NPFFR2: variants seen among roughly 807,000 people sequenced by gnomAD.
NPFFR2 encodes neuropeptide FF receptor 2.
A neutral mutation model predicts 13.1 loss-of-function variants in NPFFR2; 15 were observed. The ratio of observed to expected loss-of-function variants is 1.15; its 90% CI spans 0.77 to 1.76. NPFFR2 has a LOEUF of 1.76. NPFFR2 is among the 40% of genes most tolerant of loss of function. NPFFR2 has a pLI of 0.00. For missense variants in NPFFR2, 572 were observed against 503.5 expected (o/e 1.14, Z -1.30); for synonymous variants, 190 against 175.7 (o/e 1.08, Z -0.65).
At chr4:72,034,339 G>C (rs1718991905) in intron 1 of NPFFR2, among the ~76,000 whole-genome samples, 1 of 152,178 alleles carries the variant, frequency 6.6e-6, no homozygotes, top group African/African-American at 2.4e-5. Flanking sequence ...TTACAATCAT[G>C]GCAGAAGGGG....
chr4:72,076,006 C>CACAG (rs746237728), intron 1 of NPFFR2, among the ~76,000 whole-genome samples: 169 of 122,820 alleles, frequency 1.4e-3, no homozygotes, highest in East Asian at 0.011. Context: ...CACACACACA[C>CACAG]AGAGAGAGAG....
chr4:72,093,558 T>A (rs1388501991), intron 1 of NPFFR2, among the ~76,000 whole-genome samples: 2 of 152,138 alleles, frequency 1.3e-5, no homozygotes, highest in Non-Finnish European at 2.9e-5. Flanking sequence ...TTTGATGGAT[T>A]GGGTTAATTC....
chr4:72,083,710 A>T (rs1258319856), intron 1 of NPFFR2, among the ~76,000 whole-genome samples: 1 of 152,098 alleles, frequency 6.6e-6, no homozygotes, highest in East Asian at 1.9e-4. Flanking sequence ...TCCACAGTTT[A>T]AAATACCATC....
At position 72,128,620 on chromosome 4, in the gene NPFFR2, C is replaced by A. The variant is rs142617960; in HGVS notation, c.29C>A (p.Ser10Ter). MNEKWDTNS[S>*]ENWHPIWNVN... ...AATGAGAAATGGGACACAAACTCTT[C>A]AGAAAACTGGCATCCCATCTGGAAT... is the stretch of plus-strand genomic sequence containing the variant. Residue 10 changes from serine (S) to a stop codon, truncating the protein, a stop_gained, in exon 2 of 4, where the codon TCA becomes TAA. Transcript: ENST00000308744. LOFTEE classifies it high-confidence loss of function. 13 of 1,610,834 alleles carry A rather than the reference C, an allele frequency of 8.1e-6. No homozygotes were observed. The highest frequency in any genetic ancestry group is 1.1e-5 in the Non-Finnish European group (13 of 1,177,636).
chr4:72,130,909 G>T (rs147785556), intron 2 of NPFFR2, among the ~76,000 whole-genome samples: 2 of 152,304 alleles, frequency 1.3e-5, no homozygotes, highest in East Asian at 3.9e-4. Flanking sequence ...ACGAATTGAA[G>T]TGTGGTGAAT....
chr4:72,129,219 T>C (rs945583694), intron 2 of NPFFR2, among the ~76,000 whole-genome samples: 2 of 152,104 alleles, frequency 1.3e-5, no homozygotes, highest in Non-Finnish European at 1.5e-5. Flanking sequence ...ATAAGATTTA[T>C]TATGTGTAGG....
intron 1 of NPFFR2, among the ~76,000 whole-genome samples, chr4:72,073,972 A>G (rs1269222570): frequency 6.6e-6 from 1 of 151,976 alleles, no homozygotes. Flanking sequence ...TGAGGAAGAA[A>G]AAAGCTATAA....
intron 1 of NPFFR2, among the ~76,000 whole-genome samples, chr4:72,051,790 C>CAA (rs1719591960): frequency 6.6e-6 from 1 of 151,634 alleles, no homozygotes; most frequent in Non-Finnish European, 1.5e-5. Context: ...CAAATAGATG[C>CAA]AATAAAAAAT....
At chr4:72,057,619 A>G (rs1268916672) in intron 1 of NPFFR2, among the ~76,000 whole-genome samples, 2 of 151,942 alleles carry the variant, frequency 1.3e-5, no homozygotes, top group African/African-American at 4.8e-5. Context: ...ATCCCTAATT[A>G]TGTTTGCAAA....
chr4:72,070,582 G>GTGTGTGTGTGTGT (rs1553889570), intron 1 of NPFFR2, among the ~76,000 whole-genome samples: 1 of 14,638 alleles, frequency 6.8e-5, no homozygotes, highest in Non-Finnish European at 2.1e-4. Flanking sequence ...GTGGGGCTCT[G>GTGTGTGTGTGTGT]GTGGCCTTTG....
intron 1 of NPFFR2, among the ~76,000 whole-genome samples, chr4:72,077,329 A>G (rs941283840): frequency 1.3e-5 from 2 of 152,180 alleles, no homozygotes; most frequent in African/African-American, 2.4e-5. Flanking sequence ...ACTAAAAGCT[A>G]CCACTATCAT....
At chr4:72,096,949 T>G (rs1721091002) in intron 1 of NPFFR2, among the ~76,000 whole-genome samples, 1 of 152,058 alleles carries the variant, frequency 6.6e-6, no homozygotes, top group African/African-American at 2.4e-5. Flanking sequence ...AAAATATTGT[T>G]AAAAGTTTAA....
chr4:72,143,364 T>C (rs1722689101), intron 3 of NPFFR2, among the ~76,000 whole-genome samples: 2 of 152,158 alleles, frequency 1.3e-5, no homozygotes, highest in South Asian at 2.1e-4. Context: ...AATTGTGCAA[T>C]TGGCCATTTG....
intron 1 of NPFFR2, among the ~76,000 whole-genome samples, chr4:72,127,104 C>A (rs1487376033): frequency 6.6e-6 from 1 of 151,492 alleles, no homozygotes; most frequent in African/African-American, 2.4e-5. Flanking sequence ...AGATCCAGAC[C>A]ATCCTGGTTA....
chr4:72,040,677 A>G (rs1463627420), intron 1 of NPFFR2, among the ~76,000 whole-genome samples: 1 of 152,054 alleles, frequency 6.6e-6, no homozygotes, highest in Non-Finnish European at 1.5e-5. Flanking sequence ...TGCTTTGCAA[A>G]TATTTTTACC....
intron 3 of NPFFR2, among the ~76,000 whole-genome samples, chr4:72,142,445 C>T (rs566390336): frequency 6.6e-6 from 1 of 152,214 alleles, no homozygotes; most frequent in African/African-American, 2.4e-5. Context: ...ACCCACTGTC[C>T]AACCAGTCCC....
At chr4:72,038,390 C>T (rs1472235736) in intron 1 of NPFFR2, among the ~76,000 whole-genome samples, 1 of 152,162 alleles carries the variant, frequency 6.6e-6, no homozygotes, top group Non-Finnish European at 1.5e-5. Flanking sequence ...GTGCCTAGAA[C>T]AGAGTCTAGT....
chr4:72,045,961 A>G (rs891011481), intron 1 of NPFFR2, among the ~76,000 whole-genome samples: 1 of 152,152 alleles, frequency 6.6e-6, no homozygotes, highest in Admixed American at 6.5e-5. Context: ...TATATGCCCT[A>G]TATATGCATA....
At chr4:72,092,446 C>T (rs1720939324) in intron 1 of NPFFR2, among the ~76,000 whole-genome samples, 1 of 152,072 alleles carries the variant, frequency 6.6e-6, no homozygotes, top group Admixed American at 6.5e-5. Context: ...ATTGAAGTCT[C>T]CCACTATTAC....
Sources: allele counts gnomAD v4.1 joint callset (sites outside exome capture counted in the v4.1 genomes callset), GRCh38; gene constraint gnomAD v4.1.1; transcripts MANE v1.5; gene names NCBI Gene and HGNC (gene_info 2026-07-23, HGNC 2026-07-21).